The following NRG3 variants were observed in gnomAD, a reference collection of about 807,000 sequenced individuals.
The protein encoded by NRG3 is pro-neuregulin-3, membrane-bound isoform.
In NRG3, 31 loss-of-function variants were observed where a neutral mutation model predicts 66.9. The ratio of observed to expected loss-of-function variants is 0.46; its 90% CI spans 0.35 to 0.63. The LOEUF (loss-of-function observed/expected upper bound fraction) is 0.63. NRG3 is among the 20% of genes least tolerant of loss of function. The pLI, the probability that NRG3 is intolerant of heterozygous loss-of-function variation, is 0.00. For missense variants in NRG3, 910 were observed against 878.9 expected (o/e 1.04, Z -0.45); for synonymous variants, 393 against 359.4 (o/e 1.09, Z -1.06).
At chr10:82,726,258 C>T (rs1161762876) in intron 2 of NRG3, among the ~76,000 whole-genome samples, 1 of 152,142 alleles carries the variant, frequency 6.6e-6, no homozygotes, top group African/African-American at 2.4e-5. Context: ...CTTACTAGGG[C>T]ACAGTTTTAT....
intron 2 of NRG3, among the ~76,000 whole-genome samples, chr10:82,538,839 G>A (rs1402771533): frequency 6.6e-6 from 1 of 152,130 alleles, no homozygotes. Flanking sequence ...GTATTAATAG[G>A]TAGAGGAACT....
intron 2 of NRG3, among the ~76,000 whole-genome samples, chr10:82,563,941 A>G (rs1312205059): frequency 6.6e-6 from 1 of 152,142 alleles, no homozygotes; most frequent in Non-Finnish European, 1.5e-5. Context: ...TCAAAGAGAG[A>G]TCATACAATA....
At chr10:82,877,967 A>T (rs1174406075) in intron 4 of NRG3, among the ~76,000 whole-genome samples, 1 of 152,106 alleles carries the variant, frequency 6.6e-6, no homozygotes, top group Non-Finnish European at 1.5e-5. Context: ...ACCTTTTTTG[A>T]ACTATTTGTC....
At chr10:82,549,863 T>C (rs1241043319) in intron 2 of NRG3, among the ~76,000 whole-genome samples, 1 of 152,078 alleles carries the variant, frequency 6.6e-6, no homozygotes, top group Non-Finnish European at 1.5e-5. Context: ...AATTTCTCAG[T>C]GTTGATTGAA....
chr10:81,972,597 A>G (rs1481467736), intron 1 of NRG3, among the ~76,000 whole-genome samples: 1 of 152,208 alleles, frequency 6.6e-6, no homozygotes, highest in African/African-American at 2.4e-5. Flanking sequence ...AAATAAAGTA[A>G]TAGAAACTAT....
chr10:82,303,534 AAAACACTT>A (rs1340163865), intron 1 of NRG3, among the ~76,000 whole-genome samples: 6 of 152,198 alleles, frequency 3.9e-5, no homozygotes, highest in Non-Finnish European at 7.3e-5. Context: ...CAAAATTAGA[AAAACACTT>A]AAACACTGTT....
At chr10:82,373,834 G>T (rs886932995) in intron 2 of NRG3, among the ~76,000 whole-genome samples, 1 of 152,074 alleles carries the variant, frequency 6.6e-6, no homozygotes, top group Non-Finnish European at 1.5e-5. Context: ...CTTTCTGCCT[G>T]GGTTAGCATA....
intron 1 of NRG3, among the ~76,000 whole-genome samples, chr10:82,338,512 A>C (rs564726060): frequency 6.6e-6 from 1 of 152,238 alleles, no homozygotes; most frequent in African/African-American, 2.4e-5. Flanking sequence ...TATTATCTGA[A>C]CTGATTTCCT....
chr10:81,967,445 C>G (rs1360194803), intron 1 of NRG3, among the ~76,000 whole-genome samples: 1 of 151,552 alleles, frequency 6.6e-6, no homozygotes, highest in African/African-American at 2.4e-5. Context: ...TTCTGCTACA[C>G]TGTTATTTTA....
intron 2 of NRG3, among the ~76,000 whole-genome samples, chr10:82,477,683 G>C (rs1841903733): frequency 6.6e-6 from 1 of 152,144 alleles, no homozygotes; most frequent in Admixed American, 6.5e-5. Flanking sequence ...AAATTACTCT[G>C]GGAAGACAAT....
intron 4 of NRG3, among the ~76,000 whole-genome samples, chr10:82,894,518 G>C (rs544955423): frequency 6.6e-6 from 1 of 151,238 alleles, no homozygotes; most frequent in Non-Finnish European, 1.5e-5. Context: ...TACCAATTTT[G>C]GTTCTCAGGT....
intron 2 of NRG3, among the ~76,000 whole-genome samples, chr10:82,425,493 G>A (rs2089367714): frequency 6.6e-6 from 1 of 151,620 alleles, no homozygotes; most frequent in African/African-American, 2.4e-5. Flanking sequence ...AGAACTCTTA[G>A]CAAATTAATC....
At chr10:82,274,084 G>A (rs1010262877) in intron 1 of NRG3, among the ~76,000 whole-genome samples, 1 of 151,960 alleles carries the variant, frequency 6.6e-6, no homozygotes, top group African/African-American at 2.4e-5. Context: ...TGATTTCAGA[G>A]TGGATTTCAG....
At position 82,725,309 on chromosome 10, in the gene NRG3, C is replaced by G. The variant is rs571599178; in HGVS notation, c.954-13268C>G. ...AATCAAGTCAGAAACCTGCACCTAA[C>G]ATTTATAAACAACATTTCTTCATTT... On this transcript the variant is annotated intron_variant, in intron 2 of 8. Coordinates refer to ENST00000372141, the MANE Select transcript of NRG3 (RefSeq NM_001010848.4). Among the ~76,000 whole-genome samples the G allele has an allele frequency of 7.9e-5, 12 of 152,294 alleles. No homozygotes were observed. In the South Asian group the frequency reaches 2.3e-3, roughly 29 times the overall value.
At chr10:81,974,419 A>G (rs183540189) in intron 1 of NRG3, among the ~76,000 whole-genome samples, 1 of 152,280 alleles carries the variant, frequency 6.6e-6, no homozygotes, top group East Asian at 1.9e-4. Context: ...TAGTAAGCCA[A>G]TCACTGAGAC....
chr10:82,725,714 C>G (rs1047219838), intron 2 of NRG3, among the ~76,000 whole-genome samples: 5 of 152,074 alleles, frequency 3.3e-5, no homozygotes, highest in Admixed American at 1.3e-4. Flanking sequence ...ATAAGTATGT[C>G]CCAAATATTG....
intron 1 of NRG3, among the ~76,000 whole-genome samples, chr10:81,923,368 G>T (rs1448652533): frequency 6.6e-6 from 1 of 152,160 alleles, no homozygotes; most frequent in South Asian, 2.1e-4. Flanking sequence ...ACCGCGCCCG[G>T]CTAATTTTTT....
intron 2 of NRG3, among the ~76,000 whole-genome samples, chr10:82,463,068 C>T (rs1294662585): frequency 1.3e-5 from 2 of 152,114 alleles, no homozygotes; most frequent in Admixed American, 6.5e-5. Flanking sequence ...TTCCTGGCCT[C>T]CTTAGGATTG....
intron 2 of NRG3, among the ~76,000 whole-genome samples, chr10:82,656,750 C>T (rs996783359): frequency 1.3e-5 from 2 of 152,114 alleles, no homozygotes; most frequent in Non-Finnish European, 2.9e-5. Context: ...GAGGAGAAGG[C>T]GGATCTAAAA....
Sources: gnomAD v4.1 joint callset for allele counts (sites outside exome capture counted in the v4.1 genomes callset) on GRCh38, gnomAD v4.1.1 for gene constraint, MANE v1.5 for transcripts, NCBI Gene and HGNC (gene_info 2026-07-23, HGNC 2026-07-21) for gene names.